The following SSR1 variants were observed in gnomAD, a reference collection of about 807,000 sequenced individuals.
SSR1 encodes the protein signal sequence receptor subunit 1, also known as translocon-associated protein subunit alpha.
SSR1 carries 13 observed loss-of-function variants against 36.1 expected under a neutral mutation model. The observed-to-expected ratio is 0.36, with a 90% CI of 0.23 to 0.57. SSR1 has a LOEUF of 0.57. Ranked by LOEUF, SSR1 falls within the 20% of genes least tolerant of loss-of-function variation. The pLI is 0.81. For missense variants in SSR1, 291 were observed against 338.5 expected (o/e 0.86, Z 1.10); for synonymous variants, 113 against 118.9 (o/e 0.95, Z 0.32).
chr6:7,307,823 G>A lies in SSR1; in HGVS notation c.192+2094C>T, dbSNP rs138193191. Among the ~76,000 whole-genome samples the A allele has an allele frequency of 1.8e-4, 27 of 152,310 alleles. No homozygotes were observed. The East Asian group carries it at 5.0e-3, about 28-fold the overall frequency. Reference sequence around the variant, plus strand: ...TTACAGGCGTGCCTCATGGCGTTCAGCATCTCTCTTCTACCCTCTTCCTCC... The same window carrying A: ...TTACAGGCGTGCCTCATGGCGTTCAACATCTCTCTTCTACCCTCTTCCTCC... On this transcript the variant is annotated intron_variant, in intron 2 of 7. Coordinates refer to ENST00000244763, the MANE Select transcript of SSR1 (RefSeq NM_003144.5).
chr6:7,312,356 G>C (rs1021432315), intron 1 of SSR1, among the ~76,000 whole-genome samples: 1 of 152,184 alleles, frequency 6.6e-6, no homozygotes, highest in African/African-American at 2.4e-5. Flanking sequence ...GGAAAGACAA[G>C]AAGAGGAAGA....
Position 7,284,565 on chromosome 6 carries a change from C to T in SSR1, c.*5299G>A, listed in dbSNP as rs993740918. 6.6e-6 allele frequency: 1 copy of T among 152,198 alleles called. No homozygotes were observed. The highest frequency in any genetic ancestry group is 1.9e-4 in the East Asian group (1 of 5,200). The allele number at this position is 152,198 out of a possible 1,614,324, so 9.4% of individuals were successfully genotyped here. A position where few individuals can be genotyped will look rare whatever the true frequency, so the allele number is the denominator to read the frequency against. ...TGAGAGCAGTCACTTAAGCGGCTTACTGAGACCCAGGCAATGTTCTAAGCA... is the reference window on the plus strand; with the variant it reads ...TGAGAGCAGTCACTTAAGCGGCTTATTGAGACCCAGGCAATGTTCTAAGCA... On this transcript the variant is annotated 3_prime_UTR_variant, in exon 8 of 8. Coordinates refer to ENST00000244763, the MANE Select transcript of SSR1 (RefSeq NM_003144.5).
At chr6:7,302,904 C>T (rs925601171) in intron 3 of SSR1, among the ~76,000 whole-genome samples, 2 of 151,756 alleles carry the variant, frequency 1.3e-5, no homozygotes, top group Non-Finnish European at 2.9e-5. Flanking sequence ...TTTGGAAGAC[C>T]GAGACGGACA....
At chr6:7,290,953 C>G (rs9505120) in intron 7 of SSR1, among the ~76,000 whole-genome samples, 55,957 of 151,676 alleles carry the variant, frequency 0.37, 10,344 homozygotes, top group South Asian at 0.43. Context: ...GAGTGCAGTG[C>G]CACGATCTCC....
Position 7,281,527 on chromosome 6 carries a change from T to A in SSR1, c.*8337A>T, listed in dbSNP as rs1581619868. The A allele has an allele frequency of 6.6e-6, 1 of 152,212 alleles. No homozygotes were observed. Among genetic ancestry groups the A allele is most frequent in the African/African-American group, 2.4e-5 (1 of 41,466 alleles). The allele number at this position is 152,212 out of a possible 1,614,324, so 9.4% of individuals were successfully genotyped here. A position where few individuals can be genotyped will look rare whatever the true frequency, so the allele number is the denominator to read the frequency against. On this transcript the variant is annotated 3_prime_UTR_variant, in exon 8 of 8. Coordinates refer to ENST00000244763, the MANE Select transcript of SSR1 (RefSeq NM_003144.5). Reference sequence around the variant, plus strand: ...ACCTCCGGCAACAAATTAGAAAATATGAACAGAAATATTTTAAACCACAAG... The same window carrying A: ...ACCTCCGGCAACAAATTAGAAAATAAGAACAGAAATATTTTAAACCACAAG...
At chr6:7,311,036 T>C (rs1205217436) in intron 1 of SSR1, among the ~76,000 whole-genome samples, 2 of 152,232 alleles carry the variant, frequency 1.3e-5, no homozygotes, top group Non-Finnish European at 1.5e-5. Context: ...AAGGAACAAA[T>C]ATCTGTAATC....
intron 7 of SSR1, among the ~76,000 whole-genome samples, chr6:7,294,174 T>G (rs1213069978): frequency 6.6e-6 from 1 of 152,054 alleles, no homozygotes. Flanking sequence ...ACAGGTTTAA[T>G]CTATCATGAC....
At chr6:7,306,480 T>C (rs1758056550) in intron 2 of SSR1, among the ~76,000 whole-genome samples, 1 of 152,110 alleles carries the variant, frequency 6.6e-6, no homozygotes, top group Non-Finnish European at 1.5e-5. Context: ...TTATTACTAC[T>C]ACAGCTCTTG....
intron 7 of SSR1, chr6:7,294,973 A>G: frequency 1.1e-6 from 1 of 917,762 alleles, no homozygotes; most frequent in East Asian, 3.0e-5. Flanking sequence ...TTTCTAATAA[A>G]ATGTAGTAAG....
intron 3 of SSR1, among the ~76,000 whole-genome samples, chr6:7,302,366 G>A (rs1238686005): frequency 2.6e-5 from 4 of 152,178 alleles, no homozygotes; most frequent in African/African-American, 9.6e-5. Context: ...ACTTCAGTTC[G>A]ACAATGACTA....
Position 7,301,695 on chromosome 6 carries a change from A to C in SSR1, c.281-123T>G. 5 of 999,690 alleles carry C rather than the reference A, an allele frequency of 5.0e-6. No homozygotes were observed. The South Asian group carries it at 8.4e-5, about 17-fold the overall frequency. 61.9% of individuals were successfully genotyped at this position (999,690 alleles called of 1,614,324 possible). A position where few individuals can be genotyped will look rare whatever the true frequency, so the allele number is the denominator to read the frequency against. ...GGACTTTGGTGTCAGAATCCCTTCC[A>C]ATAGAGCACTCCAGTCACCTACTAA... On this transcript the variant is annotated intron_variant, in intron 3 of 7. Transcript: ENST00000244763.
chr6:7,308,280 G>T (rs1198293009), intron 2 of SSR1, among the ~76,000 whole-genome samples: 2 of 152,060 alleles, frequency 1.3e-5, no homozygotes, highest in Non-Finnish European at 2.9e-5. Flanking sequence ...GCATAAAAAT[G>T]ATAACTCAAA....
chr6:7,295,684 TA>T (rs1305195442), intron 6 of SSR1, among the ~76,000 whole-genome samples, 199 bp from the exon 7 acceptor site: 1 of 152,210 alleles, frequency 6.6e-6, no homozygotes. Context: ...CTCTAATTTT[TA>T]AAACACCTAT....
At chr6:7,307,600 G>A (rs1475636160) in intron 2 of SSR1, among the ~76,000 whole-genome samples, 1 of 152,168 alleles carries the variant, frequency 6.6e-6, no homozygotes. Flanking sequence ...GGAGTGCAGT[G>A]ACACACTCAT....
At position 7,298,708 on chromosome 6, in the gene SSR1, G is replaced by A. The variant is rs191637771; in HGVS notation, c.620+39C>T. On this transcript the variant is annotated intron_variant, in intron 5 of 7. Coordinates refer to ENST00000244763, the MANE Select transcript of SSR1 (RefSeq NM_003144.5). Reference sequence around the variant, plus strand: ...AGCAAGCTTTCCAGTCTTACTTTACGAGCAAAATCAAGATCTACATACTAC... The same window carrying A: ...AGCAAGCTTTCCAGTCTTACTTTACAAGCAAAATCAAGATCTACATACTAC... The A allele has an allele frequency of 8.9e-5, 133 of 1,490,858 alleles. No individual in the cohort carries two copies. The African/African-American group carries it at 1.4e-3, about 16-fold the overall frequency. The allele number at this position is 1,490,858 out of a possible 1,614,324, so 92.4% of individuals were successfully genotyped here.
intron 7 of SSR1, among the ~76,000 whole-genome samples, chr6:7,292,475 A>C (rs545598473): frequency 1.3e-5 from 2 of 152,314 alleles, no homozygotes; most frequent in South Asian, 2.1e-4. Flanking sequence ...GCTTTACTGA[A>C]ATCGCGGAAC....
intron 7 of SSR1, among the ~76,000 whole-genome samples, chr6:7,294,234 G>A (rs1172524940): frequency 6.6e-6 from 1 of 151,996 alleles, no homozygotes; most frequent in African/African-American, 2.4e-5. Context: ...AAACAGTTTA[G>A]TAAATATTTA....
chr6:7,290,358 A>T (rs1354670895), intron 7 of SSR1, among the ~76,000 whole-genome samples: 1 of 152,238 alleles, frequency 6.6e-6, no homozygotes, highest in Non-Finnish European at 1.5e-5. Flanking sequence ...GAATAAAGGA[A>T]ATCAGTATTT....
chr6:7,308,287 C>G (rs965788633), intron 2 of SSR1, among the ~76,000 whole-genome samples: 1 of 151,938 alleles, frequency 6.6e-6, no homozygotes, highest in African/African-American at 2.4e-5. Context: ...AATGATAACT[C>G]AAAAACACCA....
Sources: allele counts gnomAD v4.1 joint callset (sites outside exome capture counted in the v4.1 genomes callset), GRCh38; gene constraint gnomAD v4.1.1; transcripts MANE v1.5; gene names NCBI Gene and HGNC (gene_info 2026-07-23, HGNC 2026-07-21).